Variants in ETS1 observed in about 807,000 individuals in gnomAD.
ETS1 encodes the protein protein C-ets-1.
ETS1 carries 15 observed loss-of-function variants against 58.6 expected under a neutral mutation model. That is an observed-to-expected ratio of 0.26 (90% CI 0.17 to 0.39). ETS1 has a LOEUF of 0.39. Ranked by LOEUF, ETS1 falls within the 10% of genes least tolerant of loss-of-function variation. The pLI is 1.00. For missense variants in ETS1, 417 were observed against 610.5 expected, an observed-to-expected ratio of 0.68 and a Z score of 3.34; for synonymous variants, 214 against 218.2, an observed-to-expected ratio of 0.98 and a Z score of 0.17.
chr11:128,484,907 T>C lies in ETS1; in HGVS notation c.778A>G (p.Thr260Ala). 1 of 1,614,058 alleles carries C rather than the reference T, an allele frequency of 6.2e-7. No individual in the cohort carries two copies. Among genetic ancestry groups the C allele is most frequent in the Non-Finnish European group, 8.5e-7 (1 of 1,179,968 alleles). Residue 260 changes from threonine (T) to alanine (A), a missense_variant, in exon 7 of 10, where the codon ACA (threonine) becomes GCA (alanine). Physicochemically the swap from Thr to Ala is moderately conservative, Grantham distance 58. Around this residue, in one of 4 missense-constraint regions of ETS1, gnomAD observed 139 missense variants for 152.1 expected, o/e 0.91. Transcript: ENST00000392668. ...AAGTAGTCATTCTGCAAGGTGTCTGTCTGGAGAGGGTCTCGGAGAATGACC... is the reference window on the plus strand; with the variant it reads ...AAGTAGTCATTCTGCAAGGTGTCTGCCTGGAGAGGGTCTCGGAGAATGACC... ...PSVILRDPLQ[T>A]DTLQNDYFAI...
intron 3 of ETS1, among the ~76,000 whole-genome samples, chr11:128,497,009 C>G (rs114251868): frequency 0.013 from 1,979 of 152,272 alleles, 52 homozygotes; most frequent in African/African-American, 0.045. Context: ...ACCAAACCGT[C>G]TATTATTGTC....
chr11:128,545,950 T>G (rs1230403649), intron 3 of ETS1, among the ~76,000 whole-genome samples: 1 of 152,224 alleles, frequency 6.6e-6, no homozygotes, highest in East Asian at 1.9e-4. Context: ...ACAACAACTT[T>G]CTGTTATTTC....
intron 8 of ETS1, among the ~76,000 whole-genome samples, chr11:128,465,369 G>C (rs1862006901): frequency 6.6e-6 from 1 of 152,186 alleles, no homozygotes; most frequent in South Asian, 2.1e-4. Flanking sequence ...AGCTTCCTCT[G>C]TTTCTACTTT....
chr11:128,550,549 C>G (rs1039291575), intron 3 of ETS1, among the ~76,000 whole-genome samples: 1 of 152,202 alleles, frequency 6.6e-6, no homozygotes, highest in South Asian at 2.1e-4. Context: ...CTTCCTCTTT[C>G]CCTGGCCCTC....
Position 128,568,368 on chromosome 11 carries a change from G to A in ETS1, c.69+4694C>T, listed in dbSNP as rs76834287. On this transcript the variant is annotated intron_variant, in intron 2 of 9. Transcript: ENST00000392668. Reference sequence around the variant, plus strand: ...CTGTGAAGGGGAGAATGACGCATGAGAGGACAAAAGTACTGGGCTTGCAAG... The same window carrying A: ...CTGTGAAGGGGAGAATGACGCATGAAAGGACAAAAGTACTGGGCTTGCAAG... Among the ~76,000 whole-genome samples the A allele has an allele frequency of 9.0e-3, 1,370 of 152,358 alleles. 21 individuals are homozygous for A. The highest frequency in any genetic ancestry group is 0.032 in the African/African-American group (1,332 of 41,574).
At chr11:128,533,293 G>C (rs1437608778) in intron 3 of ETS1, among the ~76,000 whole-genome samples, 2 of 152,214 alleles carry the variant, frequency 1.3e-5, no homozygotes. Context: ...CATTGCAGGA[G>C]AGTGTCAGAG....
At chr11:128,577,938 G>A (rs1368622642) in intron 1 of ETS1, among the ~76,000 whole-genome samples, 1 of 151,026 alleles carries the variant, frequency 6.6e-6, no homozygotes, top group East Asian at 1.9e-4. Flanking sequence ...AAGAGAGAGA[G>A]AGAGAAGATG....
chr11:128,497,074 T>C (rs1862963355), intron 3 of ETS1, among the ~76,000 whole-genome samples: 1 of 152,154 alleles, frequency 6.6e-6, no homozygotes. Flanking sequence ...TTAGGAAACA[T>C]ACAACTGGGT....
rs117432966 is a variant in ETS1 at position 128,540,927 on chromosome 11, A to G, written c.214+15364T>C. On this transcript the variant is annotated intron_variant, in intron 3 of 9. Transcript: ENST00000392668. Reference sequence around the variant, plus strand: ...AGAAAGAATAACAACGCTCAAGGATACATAAAGCAGAGCCGGAGTGGCCAC... The same window carrying G: ...AGAAAGAATAACAACGCTCAAGGATGCATAAAGCAGAGCCGGAGTGGCCAC... 5.8e-3 allele frequency among the ~76,000 whole-genome samples: 884 copies of G among 152,344 alleles called. 2 individuals carry two copies. The highest frequency in any genetic ancestry group is 9.2e-3 in the Non-Finnish European group (623 of 68,032).
At position 128,528,599 on chromosome 11, in the gene ETS1, C is replaced by T. The variant is rs541145233; in HGVS notation, c.214+27692G>A. Among the ~76,000 whole-genome samples, 126 of 152,270 alleles carry T rather than the reference C, an allele frequency of 8.3e-4. 2 individuals carry two copies. The highest frequency in any genetic ancestry group is 1.5e-3 in the Non-Finnish European group (101 of 68,028). Reference sequence around the variant, plus strand: ...CATTATTACACTCCATGGTGTTTAGCTCAAGGTAGTAAGAGCCCCATAAAT... The same window carrying T: ...CATTATTACACTCCATGGTGTTTAGTTCAAGGTAGTAAGAGCCCCATAAAT... On this transcript the variant is annotated intron_variant, in intron 3 of 9. Transcript: ENST00000392668.
At chr11:128,547,087 A>G (rs1218656073) in intron 3 of ETS1, among the ~76,000 whole-genome samples, 1 of 152,228 alleles carries the variant, frequency 6.6e-6, no homozygotes, top group East Asian at 1.9e-4. Context: ...CTCAGAGACA[A>G]TGGAATGGAA....
chr11:128,583,954 A>C (rs1409555826), intron 1 of ETS1, among the ~76,000 whole-genome samples: 2 of 152,170 alleles, frequency 1.3e-5, no homozygotes, highest in African/African-American at 4.8e-5. Flanking sequence ...CTGAACTCCC[A>C]AAGCATGTAT....
chr11:128,551,582 C>A (rs531802417), intron 3 of ETS1, among the ~76,000 whole-genome samples: 2 of 152,224 alleles, frequency 1.3e-5, no homozygotes, highest in South Asian at 4.2e-4. Context: ...ACATGGAAAC[C>A]ATTTGCTCTA....
intron 3 of ETS1, among the ~76,000 whole-genome samples, chr11:128,517,936 CAAAT>C (rs889814548): frequency 6.6e-6 from 1 of 152,152 alleles, no homozygotes; most frequent in Non-Finnish European, 1.5e-5. Context: ...CTCTGCCAAC[CAAAT>C]AAATAAATAA....
chr11:128,558,623 C>T (rs1448791138), intron 2 of ETS1, among the ~76,000 whole-genome samples: 1 of 143,400 alleles, frequency 7.0e-6, no homozygotes, highest in Non-Finnish European at 1.5e-5. Context: ...TGCACTCCAG[C>T]CTGGGTGACA....
intron 3 of ETS1, among the ~76,000 whole-genome samples, chr11:128,538,537 CAA>C (rs1864004559): frequency 6.6e-6 from 1 of 152,184 alleles, no homozygotes; most frequent in African/African-American, 2.4e-5. Context: ...CTGTCACTCA[CAA>C]AGAGTGTAAC....
intron 3 of ETS1, among the ~76,000 whole-genome samples, chr11:128,548,648 G>C (rs901496424): frequency 2.0e-5 from 3 of 152,200 alleles, no homozygotes; most frequent in Non-Finnish European, 4.4e-5. Flanking sequence ...CCCCGCTTGG[G>C]GCCCAGGCGC....
intron 2 of ETS1, chr11:128,571,786 T>C (rs1391821864): frequency 1.3e-5 from 2 of 152,168 alleles, no homozygotes; most frequent in Non-Finnish European, 2.9e-5. Flanking sequence ...TTCACGCCTG[T>C]AATCCCAGCA....
chr11:128,508,790 T>C (rs1310713065), intron 3 of ETS1, among the ~76,000 whole-genome samples: 1 of 152,226 alleles, frequency 6.6e-6, no homozygotes, highest in Non-Finnish European at 1.5e-5. Context: ...GTAAAGAGAT[T>C]TGTGACTAGC....
Sources: gnomAD v4.1 joint callset for allele counts (sites outside exome capture counted in the v4.1 genomes callset) on GRCh38, gnomAD v4.1.1 for gene constraint, gnomAD v4.1.1 regional missense constraint, MANE v1.5 for transcripts, NCBI Gene and HGNC (gene_info 2026-07-23, HGNC 2026-07-21) for gene names.